ZYG11B: variants seen among roughly 807,000 people sequenced by gnomAD.
ZYG11B encodes the protein zyg-11 family member B, cell cycle regulator, also known as protein zyg-11 homolog B.
Under a neutral mutation model 82.4 loss-of-function variants are expected in ZYG11B, and 36 were observed. That is an observed-to-expected ratio of 0.44 (90% CI 0.33 to 0.58). ZYG11B has a LOEUF of 0.58. Among genes scored for constraint, ZYG11B ranks in the 20% least tolerant of loss-of-function variants. ZYG11B has a pLI of 0.02. For synonymous variants in ZYG11B, 303 were observed against 312.8 expected (o/e 0.97, Z 0.33); for missense variants, 552 against 895.6 (o/e 0.62, Z 4.90).
At position 52,736,065 on chromosome 1, in the gene ZYG11B, A is replaced by C. The variant is rs1348076238; in HGVS notation, c.30+9382A>C. On this transcript the variant is annotated intron_variant, in intron 1 of 13. Transcript: ENST00000294353. ...ACTTGATATGCATGGGAATTTGTGA[A>C]CTCCTTAAGATCCTTGTGGAGCCTG... is the stretch of plus-strand genomic sequence containing the variant. Among the ~76,000 whole-genome samples the C allele has an allele frequency of 5.9e-5, 9 of 152,038 alleles. 1 individual carries two copies. Among genetic ancestry groups the C allele is most frequent in the Admixed American group, 2.0e-4 (3 of 15,238 alleles).
intron 2 of ZYG11B, among the ~76,000 whole-genome samples, chr1:52,758,739 C>T (rs1644601089): frequency 6.6e-6 from 1 of 152,096 alleles, no homozygotes; most frequent in South Asian, 2.1e-4. Flanking sequence ...CTCTACATTG[C>T]TTGTTTTTCA....
intron 2 of ZYG11B, among the ~76,000 whole-genome samples, chr1:52,759,494 A>G (rs1644608569): frequency 6.6e-6 from 1 of 152,220 alleles, no homozygotes; most frequent in Non-Finnish European, 1.5e-5. Context: ...GAGAAGCTAC[A>G]TGCTTGAAAT....
intron 2 of ZYG11B, among the ~76,000 whole-genome samples, chr1:52,757,726 A>G (rs6693210): frequency 0.59 from 90,016 of 151,854 alleles, 29,402 homozygotes; most frequent in East Asian, 0.97. Context: ...ATTTGACAGT[A>G]GGAGGATTAT....
chr1:52,785,556 A>T (rs1163496622), intron 5 of ZYG11B, among the ~76,000 whole-genome samples: 1 of 152,118 alleles, frequency 6.6e-6, no homozygotes, highest in Non-Finnish European at 1.5e-5. Flanking sequence ...TCCCGGGTTC[A>T]AGTGATTCTC....
intron 5 of ZYG11B, 108 bp from the exon 6 acceptor site, chr1:52,789,893 CTG>C: frequency 1.5e-6 from 1 of 669,090 alleles, no homozygotes; most frequent in Non-Finnish European, 2.4e-6. Flanking sequence ...TAAGAAATAA[CTG>C]GTGTTTCATC....
chr1:52,731,284 GA>G (rs68054450), intron 1 of ZYG11B, among the ~76,000 whole-genome samples: 73,174 of 138,908 alleles, frequency 0.53, 19,148 homozygotes, highest in East Asian at 0.97. Context: ...CAAAAAAAAA[GA>G]AAAAAAAAAA....
At chr1:52,764,068 C>T (rs576109969) in intron 2 of ZYG11B, among the ~76,000 whole-genome samples, 4 of 152,228 alleles carry the variant, frequency 2.6e-5, no homozygotes, top group African/African-American at 7.2e-5. Context: ...CTGTATTTTA[C>T]TCCTTGAAAG....
chr1:52,807,375 A>T (rs748622569), intron 10 of ZYG11B, among the ~76,000 whole-genome samples: 4 of 151,982 alleles, frequency 2.6e-5, no homozygotes, highest in African/African-American at 4.8e-5. Flanking sequence ...ATGACCTTAC[A>T]TACTTACTGT....
intron 1 of ZYG11B, among the ~76,000 whole-genome samples, chr1:52,731,340 T>A (rs1383326080): frequency 6.6e-6 from 1 of 151,354 alleles, no homozygotes; most frequent in Non-Finnish European, 1.5e-5. Context: ...TGACCTGTGG[T>A]GATACTCTCT....
chr1:52,817,775 G>GTGTA (rs1174142193), intron 13 of ZYG11B, among the ~76,000 whole-genome samples: 1 of 32,568 alleles, frequency 3.1e-5, no homozygotes, highest in Non-Finnish European at 6.8e-5. Context: ...GTATATATAT[G>GTGTA]TGTATATATA....
At chr1:52,730,903 G>C (rs1024529291) in intron 1 of ZYG11B, among the ~76,000 whole-genome samples, 1 of 151,634 alleles carries the variant, frequency 6.6e-6, no homozygotes, top group Admixed American at 6.6e-5. Context: ...GAATGGAATA[G>C]TTAGGAGTAG....
intron 10 of ZYG11B, among the ~76,000 whole-genome samples, chr1:52,809,863 T>A (rs1645169359): frequency 6.6e-6 from 1 of 152,158 alleles, no homozygotes; most frequent in South Asian, 2.1e-4. Flanking sequence ...ATTGGGTTGT[T>A]TGTGTTTTTG....
chr1:52,789,915 C>CTTCTT, intron 5 of ZYG11B, 88 bp from the exon 6 acceptor site: 1 of 730,094 alleles, frequency 1.4e-6, no homozygotes, highest in African/African-American at 1.9e-5. Flanking sequence ...CAGTCTTCTT[C>CTTCTT]TTTTTTTTTT....
At chr1:52,734,984 T>C (rs12049232) in intron 1 of ZYG11B, among the ~76,000 whole-genome samples, 94,947 of 151,378 alleles carry the variant, frequency 0.63, 31,751 homozygotes, top group East Asian at 0.97. Flanking sequence ...CCGCCTTGGC[T>C]TCCCAAAGTT....
At chr1:52,766,355 A>C (rs430980) in intron 2 of ZYG11B, among the ~76,000 whole-genome samples, 1 of 149,730 alleles carries the variant, frequency 6.7e-6, no homozygotes, top group Non-Finnish European at 1.5e-5. Context: ...TCCTGACCTC[A>C]TGATCTGCCT....
intron 1 of ZYG11B, among the ~76,000 whole-genome samples, chr1:52,756,239 A>C (rs918375808): frequency 1.3e-5 from 2 of 152,168 alleles, no homozygotes; most frequent in Non-Finnish European, 2.9e-5. Context: ...TTAATACTAA[A>C]GGGGCTGTAT....
At chr1:52,728,554 G>A (rs1644303702) in intron 1 of ZYG11B, among the ~76,000 whole-genome samples, 1 of 152,238 alleles carries the variant, frequency 6.6e-6, no homozygotes, top group Non-Finnish European at 1.5e-5. Flanking sequence ...CATCACGCCT[G>A]GGCAGAGAAT....
At chr1:52,776,092 G>A (rs1644803068) in intron 3 of ZYG11B, among the ~76,000 whole-genome samples, 1 of 150,598 alleles carries the variant, frequency 6.6e-6, no homozygotes, top group South Asian at 2.1e-4. Flanking sequence ...GGTGGCGCAT[G>A]CCTGTAATCC....
chr1:52,726,472 G>GGGCTGCGGCTGC lies in ZYG11B; in HGVS notation c.-163_-152dup, dbSNP rs879654681. ...GGGGGCGGAGTCTGCGCTCTGGTTCGGGCTGCGGCTGCGGCTGCGGCTGCG... is the reference window on the plus strand; with the variant it reads ...GGGGGCGGAGTCTGCGCTCTGGTTCGGGCTGCGGCTGCGGCTGCGGCTGCGGCTGCGGCTGCG... On this transcript the variant is annotated 5_prime_UTR_variant, in exon 1 of 14. Transcript: ENST00000294353. 2.5e-4 allele frequency: 134 copies of GGGCTGCGGCTGC among 529,506 alleles called. No homozygotes were observed. Among genetic ancestry groups the GGGCTGCGGCTGC allele is most frequent in the Middle Eastern group, 5.8e-4 (1 of 1,732 alleles). The allele number at this position is 529,506 out of a possible 1,614,324, so 32.8% of individuals were successfully genotyped here. A position where few individuals can be genotyped will look rare whatever the true frequency, so the allele number is the denominator to read the frequency against.
Sources: gnomAD v4.1 joint callset for allele counts (sites outside exome capture counted in the v4.1 genomes callset) on GRCh38, gnomAD v4.1.1 for gene constraint, MANE v1.5 for transcripts, NCBI Gene and HGNC (gene_info 2026-07-23, HGNC 2026-07-21) for gene names.